DNAH14: variants seen among roughly 807,000 people sequenced by gnomAD.
DNAH14 encodes the protein axonemal beta dynein heavy chain 14.
Under a neutral mutation model 520.9 loss-of-function variants are expected in DNAH14, and 478 were observed. That is an observed-to-expected ratio of 0.92 (90% confidence interval 0.85 to 0.99). DNAH14 has a LOEUF of 0.99. Among genes scored for constraint, DNAH14 ranks in the 50% least tolerant of loss-of-function variants. The pLI is 0.00. For synonymous variants in DNAH14, 1,581 were observed against 1,757.2 expected (o/e 0.90, Z 2.51); for missense variants, 4,831 against 5,234.5 (o/e 0.92, Z 2.38).
At chr1:225,091,059 G>A (rs1409263060) in intron 21 of DNAH14, among the ~76,000 whole-genome samples, 1 of 151,140 alleles carries the variant, frequency 6.6e-6, no homozygotes, top group Non-Finnish European at 1.5e-5. Flanking sequence ...AAAGAGATGG[G>A]CAAAATATTA....
chr1:225,282,468 G>A (rs958011785), intron 54 of DNAH14, among the ~76,000 whole-genome samples: 1 of 152,170 alleles, frequency 6.6e-6, no homozygotes, highest in African/African-American at 2.4e-5. Flanking sequence ...CTTAGTTTAG[G>A]TTCCCCCATA....
Position 225,023,736 on chromosome 1 carries a change from T to C in DNAH14, c.1229T>C (p.Leu410Pro). 1 of 1,550,932 alleles carries C rather than the reference T, an allele frequency of 6.4e-7. No individual in the cohort carries two copies. The highest frequency in any genetic ancestry group is 2.0e-5 in the Admixed American group (1 of 50,980). ...GAAACATTTTTCAAGTTTGTAATGC[T>C]GGTTGACTACATATTTCAGGAACTC... ...LLETFFKFVM[L>P]VDYIFQELIR... The change falls in exon 11 of 86, where the codon CTG (leucine) becomes CCG (proline). Residue 410 changes from leucine (L) to proline (P), a missense_variant. Transcript: ENST00000682510.
intron 1 of DNAH14, among the ~76,000 whole-genome samples, chr1:224,948,083 A>G (rs971939820): frequency 1.3e-5 from 2 of 151,774 alleles, no homozygotes; most frequent in African/African-American, 4.8e-5. Context: ...TAATGTTTTC[A>G]TTTGTTTGTT....
intron 67 of DNAH14, among the ~76,000 whole-genome samples, chr1:225,337,707 A>G (rs898196298): frequency 6.6e-6 from 1 of 152,128 alleles, no homozygotes. Flanking sequence ...ATTTAATAAA[A>G]CTTAAATTTA....
chr1:225,051,455 T>C lies in DNAH14; in HGVS notation c.2084T>C (p.Val695Ala), dbSNP rs1323962635. 36 of 1,476,676 alleles carry C rather than the reference T, an allele frequency of 2.4e-5. No individual in the cohort carries two copies. Among genetic ancestry groups the C allele is most frequent in the Non-Finnish European group, 3.2e-5 (36 of 1,113,616 alleles). 91.5% of individuals were successfully genotyped at this position (1,476,676 alleles called of 1,614,324 possible). The stretch of plus-strand genomic sequence containing the variant: ...TCTCAACATTCTTCTTTACAGATTG[T>C]GAATCTCCTGACTATTATTGGTAAT... Reference protein sequence around the residue: ...ETDPAYQNIIVNLLTIIGNSM... With the variant: ...ETDPAYQNIIANLLTIIGNSM... Residue 695 changes from valine (V) to alanine (A), a missense_variant, in exon 17 of 86, where the codon GTG becomes GCG. Val to Ala is a moderately conservative substitution (Grantham distance 64, BLOSUM62 0). Transcript: ENST00000682510.
At chr1:225,330,218 G>A (rs1169132290) in intron 64 of DNAH14, among the ~76,000 whole-genome samples, 4 of 152,100 alleles carry the variant, frequency 2.6e-5, no homozygotes, top group Non-Finnish European at 5.9e-5. Flanking sequence ...ACATAAATTA[G>A]TACAACCACT....
rs1436113151 is a variant in DNAH14, at chr1:225,123,510, A to C, written c.4167-17A>C. Reference sequence around the variant, plus strand: ...TGATTAAGTATAAATAACATAAATAAATTTTTTAATTTGTAGATTTTTAAG... The same window carrying C: ...TGATTAAGTATAAATAACATAAATACATTTTTTAATTTGTAGATTTTTAAG... On this transcript the variant is annotated splice_polypyrimidine_tract_variant and intron_variant, in intron 26 of 85. Transcript: ENST00000682510. The C allele has an allele frequency of 2.4e-6, 1 of 409,196 alleles. No homozygotes were observed. 25.3% of individuals were successfully genotyped at this position (409,196 alleles called of 1,614,324 possible).
intron 43 of DNAH14, among the ~76,000 whole-genome samples, chr1:225,242,477 A>G (rs2092022404): frequency 6.6e-6 from 1 of 152,176 alleles, no homozygotes; most frequent in Non-Finnish European, 1.5e-5. Context: ...GCCTAGGCCT[A>G]CGTGGGGTCA....
intron 10 of DNAH14, among the ~76,000 whole-genome samples, chr1:225,012,066 C>CAT (rs1308259061): frequency 6.6e-6 from 1 of 152,020 alleles, no homozygotes. Context: ...TACAATTTGG[C>CAT]ATGTTTTTGC....
chr1:225,195,528 G>T (rs2086017356), intron 38 of DNAH14, among the ~76,000 whole-genome samples: 1 of 151,472 alleles, frequency 6.6e-6, no homozygotes, highest in African/African-American at 2.4e-5. Flanking sequence ...GGATGGAGAG[G>T]ATCAAAAAAC....
Position 225,324,293 on chromosome 1 carries a change from T to C in DNAH14, c.9567T>C (p.Val3189=), listed in dbSNP as rs1574775631. ...CACACAAGATTTCGCTGGTTTCTGT[T>C]GCTTGTTGCTCCCTGTGCCAGTGGG... is the stretch of plus-strand genomic sequence containing the variant. ...FNPHKISLVS[V]ACCSLCQWVI... The change falls in exon 63 of 86, where the codon GTT becomes GTC. Residue 3189 remains valine (V), a synonymous_variant. Transcript: ENST00000682510. 2.6e-6 allele frequency: 4 copies of C among 1,551,784 alleles called. No homozygotes were observed. Among genetic ancestry groups the C allele is most frequent in the Admixed American group, 2.0e-5 (1 of 50,996 alleles).
At chr1:225,178,293 T>A (rs2083553256) in intron 36 of DNAH14, among the ~76,000 whole-genome samples, 1 of 152,166 alleles carries the variant, frequency 6.6e-6, no homozygotes, top group African/African-American at 2.4e-5. Flanking sequence ...CAGTTCCACA[T>A]AGCTGCGGTG....
chr1:225,286,997 A>G (rs1342311342), intron 54 of DNAH14, among the ~76,000 whole-genome samples: 1 of 152,220 alleles, frequency 6.6e-6, no homozygotes, highest in Non-Finnish European at 1.5e-5. Context: ...AACATATTAT[A>G]TGATTCCACT....
At chr1:225,201,690 G>C (rs994772024) in intron 38 of DNAH14, among the ~76,000 whole-genome samples, 1 of 152,148 alleles carries the variant, frequency 6.6e-6, no homozygotes, top group Non-Finnish European at 1.5e-5. Context: ...ACCGGGGGTT[G>C]TCTGCACAGA....
intron 41 of DNAH14, among the ~76,000 whole-genome samples, chr1:225,217,523 G>A (rs933894043): frequency 6.6e-6 from 1 of 152,202 alleles, no homozygotes; most frequent in Non-Finnish European, 1.5e-5. Flanking sequence ...AGGCAGGCAG[G>A]CCTCCTTGAG....
At chr1:225,012,290 C>T (rs2064840024) in intron 10 of DNAH14, among the ~76,000 whole-genome samples, 1 of 152,176 alleles carries the variant, frequency 6.6e-6, no homozygotes, top group Non-Finnish European at 1.5e-5. Context: ...CCACTCTATT[C>T]TAGCATGTAG....
intron 8 of DNAH14, among the ~76,000 whole-genome samples, chr1:224,978,900 C>T (rs2062053368): frequency 6.6e-6 from 1 of 151,998 alleles, no homozygotes; most frequent in Admixed American, 6.6e-5. Flanking sequence ...TTTAGCCTCC[C>T]GAAGTACTGG....
At position 225,206,963 on chromosome 1, in the gene DNAH14, A is replaced by G. The variant is rs2087655012; in HGVS notation, c.6187-5A>G. On this transcript the variant is annotated splice_polypyrimidine_tract_variant and splice_region_variant and intron_variant, in intron 40 of 85. Coordinates refer to ENST00000682510, the MANE Select transcript of DNAH14 (RefSeq NM_001367479.1). ...ATAAGATTATATTTTGCTCCTTATTATTAGGATCCTGTTGATCTGGGATGG... is the reference window on the plus strand; with the variant it reads ...ATAAGATTATATTTTGCTCCTTATTGTTAGGATCCTGTTGATCTGGGATGG... 6.8e-7 allele frequency: 1 copy of G among 1,475,698 alleles called. No homozygotes were observed. The allele number at this position is 1,475,698 out of a possible 1,614,324, so 91.4% of individuals were successfully genotyped here.
chr1:225,196,131 C>T (rs998677944), intron 38 of DNAH14, among the ~76,000 whole-genome samples: 6 of 151,978 alleles, frequency 3.9e-5, no homozygotes, highest in African/African-American at 1.5e-4. Flanking sequence ...GAGCAGTATA[C>T]ACTGCACACA....
Sources: allele counts gnomAD v4.1 joint callset (sites outside exome capture counted in the v4.1 genomes callset), GRCh38; gene constraint gnomAD v4.1.1; transcripts MANE v1.5; gene names NCBI Gene and HGNC (gene_info 2026-07-23, HGNC 2026-07-21).